SCN8A: variants seen among roughly 807,000 people sequenced by gnomAD.
The protein encoded by SCN8A is sodium voltage-gated channel alpha subunit 8, also known as sodium channel protein type 8 subunit alpha.
Under a neutral mutation model 184.1 loss-of-function variants are expected in SCN8A, and 30 were observed. That is an observed-to-expected ratio of 0.16 (90% CI 0.12 to 0.22). SCN8A has a LOEUF of 0.22. Among genes scored for constraint, SCN8A ranks in the 10% least tolerant of loss-of-function variants. The pLI is 1.00. For missense variants in SCN8A, 1,057 were observed against 2,498.9 expected (o/e 0.42, Z 12.30); for synonymous variants, 852 against 907.0 (o/e 0.94, Z 1.09).
chr12:51,661,860 T>A (rs1027258764), intron 1 of SCN8A, among the ~76,000 whole-genome samples: 13 of 152,182 alleles, frequency 8.5e-5, no homozygotes, highest in African/African-American at 3.1e-4. Context: ...AAATGGAAAA[T>A]GAGCTTTTCA....
chr12:51,781,795 G>C (rs1937932079), intron 21 of SCN8A, among the ~76,000 whole-genome samples: 1 of 152,174 alleles, frequency 6.6e-6, no homozygotes. Context: ...CTTCAATTCA[G>C]ATGTTGAATA....
intron 1 of SCN8A, among the ~76,000 whole-genome samples, chr12:51,630,379 A>G (rs138031743): frequency 6.6e-6 from 1 of 152,252 alleles, no homozygotes; most frequent in Admixed American, 6.5e-5. Flanking sequence ...TCTTTCTTCA[A>G]CTGGCGTATT....
chr12:51,620,107 G>C (rs1939928057), intron 1 of SCN8A, among the ~76,000 whole-genome samples: 1 of 152,302 alleles, frequency 6.6e-6, no homozygotes, highest in East Asian at 1.9e-4. Flanking sequence ...CCAAAGAGTT[G>C]TCATTTAGGG....
intron 26 of SCN8A, among the ~76,000 whole-genome samples, chr12:51,795,105 G>A (rs1938372449): frequency 6.6e-6 from 1 of 152,164 alleles, no homozygotes; most frequent in African/African-American, 2.4e-5. Context: ...AGATTTTACT[G>A]TGGGCCAACT....
intron 14 of SCN8A, among the ~76,000 whole-genome samples, chr12:51,761,064 T>G (rs756299312): frequency 4.6e-5 from 7 of 152,194 alleles, no homozygotes; most frequent in Non-Finnish European, 7.3e-5. Context: ...TTATGACAGT[T>G]TTAAATCTAT....
chr12:51,788,822 C>T, intron 23 of SCN8A, 74 bp downstream of exon 23: 1 of 1,285,150 alleles, frequency 7.8e-7, no homozygotes, highest in Non-Finnish European at 1.1e-6. Flanking sequence ...ACCGAGCCCA[C>T]CAAGAAAGAG....
intron 3 of SCN8A, among the ~76,000 whole-genome samples, chr12:51,684,687 A>C (rs1305819472): frequency 6.6e-6 from 1 of 152,222 alleles, no homozygotes; most frequent in Non-Finnish European, 1.5e-5. Context: ...TAGTTGGATG[A>C]ATGCTTTAGA....
intron 13 of SCN8A, among the ~76,000 whole-genome samples, chr12:51,746,594 A>T (rs978999635): frequency 6.6e-6 from 1 of 152,152 alleles, no homozygotes. Context: ...AACCCTTCTT[A>T]CTTTGAGTGC....
chr12:51,604,244 ATT>A (rs1334327767), intron 1 of SCN8A, among the ~76,000 whole-genome samples: 1 of 152,148 alleles, frequency 6.6e-6, no homozygotes, highest in Non-Finnish European at 1.5e-5. Flanking sequence ...TAGATATGAG[ATT>A]TAGGCCTAGG....
chr12:51,774,688 C>T (rs1443933990), intron 20 of SCN8A, among the ~76,000 whole-genome samples: 1 of 152,012 alleles, frequency 6.6e-6, no homozygotes, highest in African/African-American at 2.4e-5. Context: ...AGTTCTTGCC[C>T]CAGGCCAGCA....
chr12:51,715,686 T>C (rs1941954298), intron 11 of SCN8A, among the ~76,000 whole-genome samples: 1 of 149,166 alleles, frequency 6.7e-6, no homozygotes, highest in African/African-American at 2.5e-5. Flanking sequence ...AAAAAAATTA[T>C]ATAAAATTAA....
intron 1 of SCN8A, among the ~76,000 whole-genome samples, chr12:51,612,059 C>T (rs987982797): frequency 6.6e-6 from 1 of 152,198 alleles, no homozygotes; most frequent in South Asian, 2.1e-4. Flanking sequence ...AGTAAGATAT[C>T]AAATGTGGGT....
intron 1 of SCN8A, among the ~76,000 whole-genome samples, chr12:51,634,633 G>GTAT (rs200202699): frequency 3.2e-4 from 45 of 139,712 alleles, no homozygotes; most frequent in South Asian, 6.7e-4. Context: ...AATGAAATAC[G>GTAT]TATTATTATT....
intron 1 of SCN8A, among the ~76,000 whole-genome samples, chr12:51,633,610 T>C (rs1940248656): frequency 6.6e-6 from 1 of 152,206 alleles, no homozygotes; most frequent in Non-Finnish European, 1.5e-5. Flanking sequence ...GTAAGCATTA[T>C]GGATGCCTCA....
At chr12:51,739,761 C>T (rs145820865) in intron 12 of SCN8A, among the ~76,000 whole-genome samples, 4 of 152,204 alleles carry the variant, frequency 2.6e-5, no homozygotes, top group Non-Finnish European at 4.4e-5. Context: ...GCCACTTGCG[C>T]GAGACCAGCT....
chr12:51,624,871 T>A (rs1351544356), intron 1 of SCN8A, among the ~76,000 whole-genome samples: 3 of 152,166 alleles, frequency 2.0e-5, no homozygotes, highest in Non-Finnish European at 4.4e-5. Context: ...AAATAGGGAA[T>A]CCTTTCCCCA....
In SCN8A at chr12:51,783,321, C is replaced by A. The variant is rs1040119056; in HGVS notation, c.3942+2550C>A. ...TTCTATGGGGCATTTTTTTTTTATT[C>A]TTTGGTTTTGGTTCTTCTATATGCC... On this transcript the variant is annotated intron_variant, in intron 21 of 26. Coordinates refer to ENST00000627620, the MANE Select transcript of SCN8A (RefSeq NM_001330260.2). Among the ~76,000 whole-genome samples the A allele has an allele frequency of 1.2e-4, 18 of 151,188 alleles. 1 individual carries two copies. The highest frequency in any genetic ancestry group is 7.9e-4 in the Admixed American group (12 of 15,210).
chr12:51,700,604 A>C (rs1434959943), intron 7 of SCN8A, among the ~76,000 whole-genome samples: 1 of 152,216 alleles, frequency 6.6e-6, no homozygotes, highest in African/African-American at 2.4e-5. Flanking sequence ...GACTCATGAA[A>C]AAAGTTAGAG....
intron 5 of SCN8A, 109 bp downstream of exon 5, chr12:51,687,328 A>AGAG: frequency 7.9e-7 from 1 of 1,266,078 alleles, no homozygotes; most frequent in Non-Finnish European, 1.1e-6. Context: ...TGTATGAGGA[A>AGAG]TTAATGGATA....
Sources: gnomAD v4.1 joint callset for allele counts (sites outside exome capture counted in the v4.1 genomes callset) on GRCh38, gnomAD v4.1.1 for gene constraint, MANE v1.5 for transcripts, NCBI Gene and HGNC (gene_info 2026-07-23, HGNC 2026-07-21) for gene names.